ZKSCAN3: variants seen among roughly 807,000 people sequenced by gnomAD.
The protein encoded by ZKSCAN3 is zinc finger with KRAB and SCAN domains 3.
Under a neutral mutation model 30.7 loss-of-function variants are expected in ZKSCAN3, and 21 were observed. That is an observed-to-expected ratio of 0.68 (90% CI 0.49 to 0.99). ZKSCAN3 has a LOEUF of 0.99. Ranked by LOEUF, ZKSCAN3 falls within the 50% of genes least tolerant of loss-of-function variation. The pLI is 0.00. For missense variants in ZKSCAN3, 507 were observed against 647.1 expected, an observed-to-expected ratio of 0.78 and a Z score of 2.35; for synonymous variants, 201 against 246.7, an observed-to-expected ratio of 0.81 and a Z score of 1.73.
chr6:28,359,215 T>C (rs1765627633), intron 1 of ZKSCAN3, among the ~76,000 whole-genome samples: 1 of 152,104 alleles, frequency 6.6e-6, no homozygotes. Context: ...TGGTTGGTAA[T>C]GGGATAACTC....
chr6:28,353,681 G>A (rs72854534), intron 1 of ZKSCAN3, among the ~76,000 whole-genome samples: 301 of 152,304 alleles, frequency 2.0e-3, no homozygotes, highest in Middle Eastern at 3.4e-3. Context: ...TCAGGATAGG[G>A]ATCAGGAGTC....
chr6:28,366,413 A>G lies in ZKSCAN3; in HGVS notation c.*128A>G. On this transcript the variant is annotated 3_prime_UTR_variant, in exon 6 of 6. Coordinates refer to ENST00000252211, the MANE Select transcript of ZKSCAN3 (RefSeq NM_024493.4). Reference sequence around the variant, plus strand: ...ACTACACATTATCAGGTGTTAGAAAATGTAGACTGGGTTAGACAAATTATC... The same window carrying G: ...ACTACACATTATCAGGTGTTAGAAAGTGTAGACTGGGTTAGACAAATTATC... 9.2e-7 allele frequency: 1 copy of G among 1,081,520 alleles called. No homozygotes were observed. Among genetic ancestry groups the G allele is most frequent in the Non-Finnish European group, 1.3e-6 (1 of 790,850 alleles). 67.0% of individuals were successfully genotyped at this position (1,081,520 alleles called of 1,614,324 possible). A position where few individuals can be genotyped will look rare whatever the true frequency, so the allele number is the denominator to read the frequency against.
At position 28,361,391 on chromosome 6, in the gene ZKSCAN3, G is replaced by C. The variant is rs112285963; in HGVS notation, c.470G>C (p.Gly157Ala). The change falls in exon 3 of 6, where the codon GGG (glycine) becomes GCG (alanine). Residue 157 changes from glycine (G) to alanine (A), a missense_variant. Gly to Ala is a moderately conservative substitution (Grantham distance 60). Coordinates refer to ENST00000252211, the MANE Select transcript of ZKSCAN3 (RefSeq NM_024493.4). ...CKMALLTPAP[G>A]SQSSQFQLMK... is the part of the protein sequence containing the mutation. ...ATGGCACTATTGACACCAGCCCCAG[G>C]GTCACAAAGTAGCCAATTTCAGCTA... 7.4e-5 allele frequency: 119 copies of C among 1,613,804 alleles called. No individual in the cohort carries two copies. Among genetic ancestry groups the C allele is most frequent in the Non-Finnish European group, 9.7e-5 (114 of 1,179,958 alleles).
In ZKSCAN3 at chr6:28,366,967, A is replaced by T. The variant is rs984694910; in HGVS notation, c.*682A>T. On this transcript the variant is annotated 3_prime_UTR_variant, in exon 6 of 6. Coordinates refer to ENST00000252211, the MANE Select transcript of ZKSCAN3 (RefSeq NM_024493.4). Reference sequence around the variant, plus strand: ...AGTCTTGCTCTGTCGCCCAGGCTGGAGTGCAGTGGCACAATCTTGGCTCAC... The same window carrying T: ...AGTCTTGCTCTGTCGCCCAGGCTGGTGTGCAGTGGCACAATCTTGGCTCAC... 2 of 152,220 alleles carry T rather than the reference A, an allele frequency of 1.3e-5. No individual in the cohort carries two copies. The highest frequency in any genetic ancestry group is 2.9e-5 in the Non-Finnish European group (2 of 68,160). 9.4% of individuals were successfully genotyped at this position (152,220 alleles called of 1,614,324 possible). A position where few individuals can be genotyped will look rare whatever the true frequency, so the allele number is the denominator to read the frequency against.
At chr6:28,352,638 G>C (rs1376117356) in intron 1 of ZKSCAN3, among the ~76,000 whole-genome samples, 2 of 152,184 alleles carry the variant, frequency 1.3e-5, no homozygotes, top group Admixed American at 6.5e-5. Context: ...AGCCTTTAAT[G>C]TAATTTGCTC....
chr6:28,363,073 ACT>A (rs1765825513), intron 3 of ZKSCAN3, among the ~76,000 whole-genome samples: 1 of 152,148 alleles, frequency 6.6e-6, no homozygotes, highest in South Asian at 2.1e-4. Context: ...AAAGGAGCAC[ACT>A]CTGTATAAAC....
In ZKSCAN3 at chr6:28,361,438, G is replaced by A; in HGVS notation, c.517G>A (p.Glu173Lys). The A allele has an allele frequency of 6.2e-7, 1 of 1,613,476 alleles. No homozygotes were observed. Among genetic ancestry groups the A allele is most frequent in the Middle Eastern group, 1.6e-4 (1 of 6,062 alleles). The change falls in exon 3 of 6, where the codon GAA becomes AAA. Residue 173 changes from glutamate to lysine, a missense_variant. Glu to Lys is a moderately conservative substitution (Grantham distance 56). Coordinates refer to ENST00000252211, the MANE Select transcript of ZKSCAN3 (RefSeq NM_024493.4). ...GCTAATGAAGGCTCTGCTCAAGCAT[G>A]AATCTGTGGGATCCCAGCCTTTACA... The part of the protein sequence containing the change: ...FQLMKALLKH[E>K]SVGSQPLQDR...
At chr6:28,359,110 C>A (rs1765618701) in intron 1 of ZKSCAN3, among the ~76,000 whole-genome samples, 1 of 151,954 alleles carries the variant, frequency 6.6e-6, no homozygotes, top group Non-Finnish European at 1.5e-5. Context: ...TGGGATCAGT[C>A]CAGTCAGTCT....
At position 28,351,994 on chromosome 6, in the gene ZKSCAN3, T is replaced by TA. The variant is rs1379893133; in HGVS notation, c.-63+1928dup. 2.0e-5 allele frequency among the ~76,000 whole-genome samples: 3 copies of TA among 152,056 alleles called. No homozygotes were observed. Among genetic ancestry groups the TA allele is most frequent in the Non-Finnish European group, 4.4e-5 (3 of 68,016 alleles). On this transcript the variant is annotated intron_variant, in intron 1 of 5. Coordinates refer to ENST00000252211, the MANE Select transcript of ZKSCAN3 (RefSeq NM_024493.4). This position sits in a 1 kb window ranked among gnomAD's most constrained non-coding sequence, Gnocchi z 4.6. ...AAATATTTCTAGAGTTTTTTTTTTTTACAGTCTTTTTACAGTTGTTGTTTT... is the reference window on the plus strand; with the variant it reads ...AAATATTTCTAGAGTTTTTTTTTTTTAACAGTCTTTTTACAGTTGTTGTTTT...
chr6:28,363,535 T>C, intron 4 of ZKSCAN3, 150 bp downstream of exon 4: 1 of 1,295,082 alleles, frequency 7.7e-7, no homozygotes, highest in South Asian at 1.4e-5. Context: ...TATCTCGAGG[T>C]TGTTTATCAT....
rs1221092406 is a variant in ZKSCAN3 at position 28,361,437 on chromosome 6, T to C, written c.516T>C (p.His172=). 2 of 1,613,652 alleles carry C rather than the reference T, an allele frequency of 1.2e-6. No homozygotes were observed. Among genetic ancestry groups the C allele is most frequent in the South Asian group, 1.1e-5 (1 of 90,916 alleles). The change falls in exon 3 of 6, where the codon CAT becomes CAC. Residue 172 remains histidine, a synonymous_variant. Coordinates refer to ENST00000252211, the MANE Select transcript of ZKSCAN3 (RefSeq NM_024493.4). ...AGCTAATGAAGGCTCTGCTCAAGCA[T>C]GAATCTGTGGGATCCCAGCCTTTAC... ...QFQLMKALLK[H]ESVGSQPLQD... is the part of the protein sequence containing the mutation.
At position 28,365,294 on chromosome 6, in the gene ZKSCAN3, C is replaced by T. The variant is rs73399695; in HGVS notation, c.758-132C>T. ...CACTCCTGTTCTCCCCTTTTATTCCCATCCTTATTCTAGCACTTAAATCCT... is the reference window on the plus strand; with the variant it reads ...CACTCCTGTTCTCCCCTTTTATTCCTATCCTTATTCTAGCACTTAAATCCT... On this transcript the variant is annotated intron_variant, in intron 5 of 5. Transcript: ENST00000252211. 1,233 of 1,308,610 alleles carry T rather than the reference C, an allele frequency of 9.4e-4. 11 individuals carry two copies. The African/African-American group carries it at 0.013, about 14-fold the overall frequency. The allele number at this position is 1,308,610 out of a possible 1,614,324, so 81.1% of individuals were successfully genotyped here.
rs965821464 is a variant in ZKSCAN3, at chr6:28,366,984, T to G, written c.*699T>G. On this transcript the variant is annotated 3_prime_UTR_variant, in exon 6 of 6. Coordinates refer to ENST00000252211, the MANE Select transcript of ZKSCAN3 (RefSeq NM_024493.4). ...CAGGCTGGAGTGCAGTGGCACAATCTTGGCTCACTGCAACCTCCACCTCCT... is the reference window on the plus strand; with the variant it reads ...CAGGCTGGAGTGCAGTGGCACAATCGTGGCTCACTGCAACCTCCACCTCCT... 1 of 152,342 alleles carries G rather than the reference T, an allele frequency of 6.6e-6. No homozygotes were observed. The allele number at this position is 152,342 out of a possible 1,614,324, so 9.4% of individuals were successfully genotyped here. A position where few individuals can be genotyped will look rare whatever the true frequency, so the allele number is the denominator to read the frequency against.
intron 3 of ZKSCAN3, among the ~76,000 whole-genome samples, chr6:28,361,731 G>T (rs1291845786): frequency 6.1e-5 from 9 of 147,470 alleles, no homozygotes; most frequent in Admixed American, 4.1e-4. Flanking sequence ...TGTTGTATTG[G>T]TTTTTTTTTT....
At chr6:28,355,586 C>G (rs1765371073) in intron 1 of ZKSCAN3, 1 of 152,226 alleles carries the variant, frequency 6.6e-6, no homozygotes, top group Non-Finnish European at 1.5e-5. Flanking sequence ...GGGCTTGTGC[C>G]TGCTGAATAG....
rs1488451538 is a variant in ZKSCAN3, at chr6:28,366,299, T to C, written c.*14T>C. On this transcript the variant is annotated 3_prime_UTR_variant, in exon 6 of 6. Transcript: ENST00000252211. The stretch of plus-strand genomic sequence containing the variant: ...CTATCACAGTGACCCATGCCATACA[T>C]GCCAGAGTTGGTGCTCATTTGTCAC... The C allele has an allele frequency of 6.7e-7, 1 of 1,491,472 alleles. No homozygotes were observed. Among genetic ancestry groups the C allele is most frequent in the East Asian group, 2.3e-5 (1 of 43,652 alleles). 92.4% of individuals were successfully genotyped at this position (1,491,472 alleles called of 1,614,324 possible).
rs984173315 is a variant in ZKSCAN3 at position 28,351,005 on chromosome 6, G to A, written c.-63+938G>A. ...TAGTGCTGGAGATCCACCAGTTTTCGAGCTTCCAGGAACGCCCTAGCCTGA... is the reference window on the plus strand; with the variant it reads ...TAGTGCTGGAGATCCACCAGTTTTCAAGCTTCCAGGAACGCCCTAGCCTGA... On this transcript the variant is annotated intron_variant, in intron 1 of 5. Coordinates refer to ENST00000252211, the MANE Select transcript of ZKSCAN3 (RefSeq NM_024493.4). The surrounding 1 kb of genome is among the most constrained non-coding windows in gnomAD (Gnocchi z 4.6). Among the ~76,000 whole-genome samples the A allele has an allele frequency of 2.0e-5, 3 of 152,230 alleles. No homozygotes were observed. Among genetic ancestry groups the A allele is most frequent in the South Asian group, 2.1e-4 (1 of 4,822 alleles).
At chr6:28,359,468 A>G in intron 1 of ZKSCAN3, 57 bp from the exon 2 acceptor site, 1 of 1,266,850 alleles carries the variant, frequency 7.9e-7, no homozygotes, top group Non-Finnish European at 1.1e-6. Context: ...GCTCCTGGGC[A>G]GGAGAGAAGG....
rs753276030 is a variant in ZKSCAN3 at position 28,359,821 on chromosome 6, A to G, written c.235A>G (p.Met79Val). The G allele has an allele frequency of 5.6e-6, 9 of 1,614,146 alleles. No individual in the cohort carries two copies. In the Admixed American group the frequency reaches 1.5e-4, roughly 27 times the overall value. The change falls in exon 2 of 6, where the codon ATG becomes GTG. Residue 79 changes from methionine (M) to valine (V), a missense_variant. By Grantham distance (21) the Met-to-Val change is conservative. Transcript: ENST00000252211. ...ELCRQWLQPE[M>V]HSKEQILELL... is the part of the protein sequence containing the mutation. ...CTGCCGACAGTGGCTGCAGCCTGAG[A>G]TGCACAGCAAGGAGCAGATCCTGGA...
Sources: allele counts gnomAD v4.1 joint callset (sites outside exome capture counted in the v4.1 genomes callset), GRCh38; gene constraint gnomAD v4.1.1; non-coding constraint Gnocchi (gnomAD v3.1); transcripts MANE v1.5; gene names NCBI Gene and HGNC (gene_info 2026-07-23, HGNC 2026-07-21).